The following MAP2K5 variants were observed in gnomAD, a reference collection of about 807,000 sequenced individuals.
MAP2K5 encodes the protein mitogen-activated protein kinase kinase 5.
In MAP2K5, 49 loss-of-function variants were observed where a neutral mutation model predicts 83.1. The observed-to-expected ratio is 0.59, with a 90% CI of 0.47 to 0.75. The LOEUF is 0.75. Among genes scored for constraint, MAP2K5 ranks in the 30% least tolerant of loss-of-function variants. MAP2K5 has a pLI of 0.00. For synonymous variants in MAP2K5, 202 were observed against 191.8 expected, an observed-to-expected ratio of 1.05 and a Z score of -0.44; for missense variants, 457 against 557.5, an observed-to-expected ratio of 0.82 and a Z score of 1.82.
rs914233426 is a variant in MAP2K5, at chr15:67,793,873, A to G, written c.1243-12773A>G. On this transcript the variant is annotated intron_variant, in intron 21 of 21. Coordinates refer to ENST00000178640, the MANE Select transcript of MAP2K5 (RefSeq NM_145160.3). The surrounding 1 kb of genome is among the most constrained non-coding windows in gnomAD (Gnocchi z 4.6). ...TATTTTCTGAGAGGACCAAAGAGTC[A>G]TGAATGTGCCAGGGAAAGTCCTTAG... Among the ~76,000 whole-genome samples the G allele has an allele frequency of 6.6e-6, 1 of 152,240 alleles. No homozygotes were observed. The highest frequency in any genetic ancestry group is 1.5e-5 in the Non-Finnish European group (1 of 68,040).
Position 67,543,253 on chromosome 15 carries a change from C to T in MAP2K5, c.-83C>T. 2 of 1,441,760 alleles carry T rather than the reference C, an allele frequency of 1.4e-6. No individual in the cohort carries two copies. Among genetic ancestry groups the T allele is most frequent in the Non-Finnish European group, 1.9e-6 (2 of 1,030,106 alleles). 89.3% of individuals were successfully genotyped at this position (1,441,760 alleles called of 1,614,324 possible). The stretch of plus-strand genomic sequence containing the variant: ...ACCCTCTGTCCTCTGCCCGTCACTC[C>T]CCTTGTCACCTCTTGGAGCCCCCTC... On this transcript the variant is annotated 5_prime_UTR_variant, in exon 1 of 22. Transcript: ENST00000178640. The surrounding 1 kb of genome is among the most constrained non-coding windows in gnomAD (Gnocchi z 4.3).
intron 9 of MAP2K5, chr15:67,642,371 C>G: frequency 1.3e-6 from 2 of 1,532,794 alleles, no homozygotes; most frequent in Non-Finnish European, 1.8e-6. Context: ...AGCCCTTGCC[C>G]TTGAGAGGCG....
chr15:67,606,562 C>T (rs529018909), intron 8 of MAP2K5, among the ~76,000 whole-genome samples: 2 of 152,136 alleles, frequency 1.3e-5, no homozygotes, highest in Admixed American at 6.5e-5. Context: ...CTTTCTGTTG[C>T]CTTATCTAAA....
chr15:67,555,235 C>T lies in MAP2K5; in HGVS notation c.184+5153C>T, dbSNP rs951338334. 3.3e-5 allele frequency among the ~76,000 whole-genome samples: 5 copies of T among 152,190 alleles called. No homozygotes were observed. The East Asian group carries it at 5.8e-4, about 18-fold the overall frequency. On this transcript the variant is annotated intron_variant, in intron 2 of 21. Coordinates refer to ENST00000178640, the MANE Select transcript of MAP2K5 (RefSeq NM_145160.3). This position sits in a 1 kb window ranked among gnomAD's most constrained non-coding sequence, Gnocchi z 5.2. ...TTGCATTCTGCTGAGGAAGCTTTTA[C>T]TTATGGCAGAAAGTGAAGGGGCAGC...
chr15:67,794,453 G>A lies in MAP2K5; in HGVS notation c.1243-12193G>A, dbSNP rs2090570203. On this transcript the variant is annotated intron_variant, in intron 21 of 21. Coordinates refer to ENST00000178640, the MANE Select transcript of MAP2K5 (RefSeq NM_145160.3). The surrounding 1 kb of genome is among the most constrained non-coding windows in gnomAD (Gnocchi z 4.6). Reference sequence around the variant, plus strand: ...GGGTCTGTTTCAGATGGAAAACATTGGTCGCTAATAGCAGAAACTTGAGAA... The same window carrying A: ...GGGTCTGTTTCAGATGGAAAACATTAGTCGCTAATAGCAGAAACTTGAGAA... 6.6e-6 allele frequency among the ~76,000 whole-genome samples: 1 copy of A among 151,894 alleles called. No homozygotes were observed. The highest frequency in any genetic ancestry group is 2.1e-4 in the South Asian group (1 of 4,814).
chr15:67,618,457 A>G (rs1368132110), intron 8 of MAP2K5, among the ~76,000 whole-genome samples: 10 of 152,102 alleles, frequency 6.6e-5, no homozygotes, highest in Admixed American at 6.6e-4. Flanking sequence ...GGCTTTACAT[A>G]TCATCTGTAT....
Position 67,749,397 on chromosome 15 carries a change from A to C in MAP2K5, c.1134+796A>C, listed in dbSNP as rs1375174936. ...TTGGGTTTGCCTACTAGCAATGTTT[A>C]TTTTTTAAACTTTAATTTTATAATA... On this transcript the variant is annotated intron_variant, in intron 19 of 21. Coordinates refer to ENST00000178640, the MANE Select transcript of MAP2K5 (RefSeq NM_145160.3). The surrounding 1 kb of genome is among the most constrained non-coding windows in gnomAD (Gnocchi z 4.6). Among the ~76,000 whole-genome samples the C allele has an allele frequency of 6.6e-6, 1 of 152,172 alleles. No individual in the cohort carries two copies. The highest frequency in any genetic ancestry group is 1.5e-5 in the Non-Finnish European group (1 of 68,010).
Position 67,572,598 on chromosome 15 carries a change from A to G in MAP2K5, c.253-8156A>G, listed in dbSNP as rs1473277691. On this transcript the variant is annotated intron_variant, in intron 3 of 21. Transcript: ENST00000178640. The surrounding 1 kb of genome is among the most constrained non-coding windows in gnomAD (Gnocchi z 4.2). ...CCCTACGTATGATGTTTGTTTATGTATAGGATAAAAAAGGATCATGGGGAG... is the reference window on the plus strand; with the variant it reads ...CCCTACGTATGATGTTTGTTTATGTGTAGGATAAAAAAGGATCATGGGGAG... Among the ~76,000 whole-genome samples the G allele has an allele frequency of 6.6e-6, 1 of 152,222 alleles. No individual in the cohort carries two copies. The highest frequency in any genetic ancestry group is 1.9e-4 in the East Asian group (1 of 5,198).
chr15:67,771,668 T>C (rs1461005948), intron 20 of MAP2K5, among the ~76,000 whole-genome samples: 1 of 152,204 alleles, frequency 6.6e-6, no homozygotes, highest in African/African-American at 2.4e-5. Context: ...GAGAGGTGCA[T>C]ATGGTTATTT....
chr15:67,657,356 A>G (rs1460960092), intron 11 of MAP2K5, among the ~76,000 whole-genome samples: 1 of 152,086 alleles, frequency 6.6e-6, no homozygotes, highest in Non-Finnish European at 1.5e-5. Flanking sequence ...TGGTCCAGTA[A>G]GCTGCATTTG....
intron 9 of MAP2K5, among the ~76,000 whole-genome samples, chr15:67,645,939 T>TA (rs1163181521): frequency 6.6e-6 from 1 of 152,192 alleles, no homozygotes; most frequent in African/African-American, 2.4e-5. Flanking sequence ...ATAGAGTGCA[T>TA]AAATTAAGAG....
chr15:67,730,998 G>C (rs183216488), intron 17 of MAP2K5, among the ~76,000 whole-genome samples: 1 of 152,296 alleles, frequency 6.6e-6, no homozygotes, highest in Admixed American at 6.5e-5. Flanking sequence ...GAGGTATGCT[G>C]ATCAAATGAG....
chr15:67,548,260 T>A (rs2084436766), intron 1 of MAP2K5, among the ~76,000 whole-genome samples: 1 of 152,220 alleles, frequency 6.6e-6, no homozygotes, highest in Non-Finnish European at 1.5e-5. Context: ...TAACCTAGAC[T>A]TAGAGAGTTG....
intron 17 of MAP2K5, among the ~76,000 whole-genome samples, chr15:67,729,614 CA>C (rs890151683): frequency 2.2e-3 from 317 of 142,818 alleles, no homozygotes; most frequent in African/African-American, 4.8e-3. Flanking sequence ...ACTAAAAATA[CA>C]AAAAAAAAAA....
rs2088929451 is a variant in MAP2K5, at chr15:67,720,333, T to C, written c.1045-7583T>C. On this transcript the variant is annotated intron_variant, in intron 16 of 21. Transcript: ENST00000178640. The surrounding 1 kb of genome is among the most constrained non-coding windows in gnomAD (Gnocchi z 5.7). Reference sequence around the variant, plus strand: ...ACACATATGCTTATACATACATAAGTATATACATATATATCTATATATATA... The same window carrying C: ...ACACATATGCTTATACATACATAAGCATATACATATATATCTATATATATA... 6.6e-6 allele frequency among the ~76,000 whole-genome samples: 1 copy of C among 151,940 alleles called. No individual in the cohort carries two copies. The highest frequency in any genetic ancestry group is 2.4e-5 in the African/African-American group (1 of 41,346).
rs958785391 is a variant in MAP2K5 at position 67,653,290 on chromosome 15, T to A, written c.737-5263T>A. 3.5e-3 allele frequency among the ~76,000 whole-genome samples: 514 copies of A among 145,402 alleles called. 3 individuals are homozygous for A. The highest frequency in any genetic ancestry group is 0.011 in the African/African-American group (460 of 40,448). On this transcript the variant is annotated intron_variant, in intron 11 of 21. Coordinates refer to ENST00000178640, the MANE Select transcript of MAP2K5 (RefSeq NM_145160.3). ...TGTCAGTTTCTCTGTTTAAAATATT[T>A]TTTTTTTTTTTTGAGACGGAGTTCT...
At chr15:67,601,724 G>C (rs546625822) in intron 8 of MAP2K5, among the ~76,000 whole-genome samples, 1 of 152,260 alleles carries the variant, frequency 6.6e-6, no homozygotes, top group East Asian at 1.9e-4. Flanking sequence ...CCTATTCTAT[G>C]ACCATGAAGG....
chr15:67,590,442 C>CCT (rs2085378235), intron 6 of MAP2K5, among the ~76,000 whole-genome samples: 2 of 5,836 alleles, frequency 3.4e-4, no homozygotes, highest in Non-Finnish European at 5.2e-4. Flanking sequence ...TCTCTCCCTC[C>CCT]CTCCCTCTCT....
chr15:67,650,809 T>A (rs1359004898), intron 11 of MAP2K5, among the ~76,000 whole-genome samples: 2 of 152,216 alleles, frequency 1.3e-5, no homozygotes, highest in Non-Finnish European at 2.9e-5. Context: ...GATGTCAGTG[T>A]CTGATTTTGG....
Sources: allele counts gnomAD v4.1 joint callset (sites outside exome capture counted in the v4.1 genomes callset), GRCh38; gene constraint gnomAD v4.1.1; non-coding constraint Gnocchi (gnomAD v3.1); transcripts MANE v1.5; gene names NCBI Gene and HGNC (gene_info 2026-07-23, HGNC 2026-07-21).